SRR: variants seen among roughly 807,000 people sequenced by gnomAD.
SRR encodes D-serine ammonia-lyase.
Under a neutral mutation model 32.7 loss-of-function variants are expected in SRR, and 19 were observed. That is an observed-to-expected ratio of 0.58 (90% CI 0.40 to 0.85). SRR has a LOEUF of 0.85. Among genes scored for constraint, SRR ranks in the 40% least tolerant of loss-of-function variants. The pLI, the probability that SRR is intolerant of heterozygous loss-of-function variation, is 0.00. For synonymous variants in SRR, 142 were observed against 140.9 expected (o/e 1.01, Z -0.06); for missense variants, 373 against 404.7 (o/e 0.92, Z 0.67).
At chr17:2,310,453 C>A (rs1418705679) in intron 1 of SRR, among the ~76,000 whole-genome samples, 1 of 152,082 alleles carries the variant, frequency 6.6e-6, no homozygotes, top group Non-Finnish European at 1.5e-5. Flanking sequence ...TGAGCTCAAG[C>A]AGTCCGCCCA....
chr17:2,315,309 G>A, intron 1 of SRR: 1 of 305,018 alleles, frequency 3.3e-6, no homozygotes, highest in Non-Finnish European at 6.0e-6. Context: ...GATGGGTGGT[G>A]TGGGTGGGGA....
chr17:2,311,286 A>C (rs1486603318), intron 1 of SRR, among the ~76,000 whole-genome samples: 1 of 152,064 alleles, frequency 6.6e-6, no homozygotes, highest in East Asian at 1.9e-4. Flanking sequence ...TCCTGGGTTT[A>C]AGCAATCCTC....
At chr17:2,318,464 C>CTTTT (rs1170914950) in intron 3 of SRR, among the ~76,000 whole-genome samples, 1 of 126,570 alleles carries the variant, frequency 7.9e-6, no homozygotes, top group Admixed American at 8.1e-5. Flanking sequence ...ATGTTTCTTT[C>CTTTT]TTTTTTTTTT....
rs1464586299 is a variant in SRR at position 2,321,409 on chromosome 17, TG to T, written c.505del (p.Glu169LysfsTer3). On this transcript the variant is annotated frameshift_variant, in exon 5 of 8. Coordinates refer to ENST00000344595, the MANE Select transcript of SRR (RefSeq NM_021947.3). LOFTEE classifies it high-confidence loss of function. ...AVIAGQGTIA[L>X]EVLNQVPLVD... ...ATAGCTGGACAAGGGACAATTGCCCTGGAAGTGCTGAACCAGGTAAAATAGC... is the reference window on the plus strand; with the variant it reads ...ATAGCTGGACAAGGGACAATTGCCCTGAAGTGCTGAACCAGGTAAAATAGC... The T allele has an allele frequency of 6.8e-6, 11 of 1,612,308 alleles. No individual in the cohort carries two copies. In the Admixed American group the frequency reaches 1.7e-4, roughly 25 times the overall value.
Position 2,324,951 on chromosome 17 carries a change from G to T in SRR, c.*1078G>T. The T allele has an allele frequency of 8.8e-7, 1 of 1,134,658 alleles. No individual in the cohort carries two copies. 70.3% of individuals were successfully genotyped at this position (1,134,658 alleles called of 1,614,324 possible). A position where few individuals can be genotyped will look rare whatever the true frequency, so the allele number is the denominator to read the frequency against. On this transcript the variant is annotated 3_prime_UTR_variant, in exon 8 of 8. Coordinates refer to ENST00000344595, the MANE Select transcript of SRR (RefSeq NM_021947.3). ...TGTCATCCCTGCCCTAGCCCAATCT[G>T]AGGCTAAGATTGGTAAACTGTAAGC...
chr17:2,310,483 A>G (rs1179715180), intron 1 of SRR, among the ~76,000 whole-genome samples: 1 of 152,110 alleles, frequency 6.6e-6, no homozygotes, highest in African/African-American at 2.4e-5. Context: ...CTGGGATTAC[A>G]GGTATGAGCC....
chr17:2,324,311 A>G lies in SRR; in HGVS notation c.*438A>G, dbSNP rs760282430. 12 of 1,568,650 alleles carry G rather than the reference A, an allele frequency of 7.6e-6. No homozygotes were observed. Among genetic ancestry groups the G allele is most frequent in the South Asian group, 3.7e-5 (3 of 82,096 alleles). ...GGGGAAGACTCGTTTATACAGGTTC[A>G]TCAGTACTGTGTCTTGAGATTTTAG... On this transcript the variant is annotated 3_prime_UTR_variant, in exon 8 of 8. Coordinates refer to ENST00000344595, the MANE Select transcript of SRR (RefSeq NM_021947.3).
intron 1 of SRR, among the ~76,000 whole-genome samples, chr17:2,314,815 G>A (rs192449075): frequency 6.8e-4 from 102 of 151,010 alleles, no homozygotes; most frequent in Middle Eastern, 3.5e-3. Flanking sequence ...TTATTTAAAT[G>A]GAATAGTCTA....
rs1315152843 is a variant in SRR, at chr17:2,323,661, AC to A, written c.814del (p.Gln272SerfsTer7). On this transcript the variant is annotated frameshift_variant, in exon 8 of 8. Transcript: ENST00000344595. LOFTEE classifies it high-confidence loss of function. ...CTCCCTTCCATATCAACAGTGTGCA[AC>A]CCAGCTGGTGTGGGAGAGGATGAAA... is the stretch of plus-strand genomic sequence containing the variant. Reference protein sequence around the residue: ...TVTEDEIKCATQLVWERMKLL... With the variant: ...TVTEDEIKCAXQLVWERMKLL... The A allele has an allele frequency of 6.2e-7, 1 of 1,614,082 alleles. No homozygotes were observed. The highest frequency in any genetic ancestry group is 1.3e-5 in the African/African-American group (1 of 75,072).
intron 1 of SRR, among the ~76,000 whole-genome samples, chr17:2,305,774 A>C (rs2075385382): frequency 2.6e-5 from 4 of 152,028 alleles, no homozygotes; most frequent in Non-Finnish European, 4.4e-5. Flanking sequence ...ATCTTGGCTC[A>C]CTGCAACCTG....
chr17:2,325,161 T>A lies in SRR; in HGVS notation c.*1288T>A, dbSNP rs757025191. On this transcript the variant is annotated 3_prime_UTR_variant, in exon 8 of 8. Coordinates refer to ENST00000344595, the MANE Select transcript of SRR (RefSeq NM_021947.3). ...GGAGTTTTCATTGTTCTATTAACAA[T>A]GTTAAATGAAGACTTACTGTATTTT... is the stretch of plus-strand genomic sequence containing the variant. The A allele has an allele frequency of 5.9e-6, 4 of 677,330 alleles. No homozygotes were observed. 42.0% of individuals were successfully genotyped at this position (677,330 alleles called of 1,614,324 possible).
At chr17:2,309,634 A>C (rs556761430) in intron 1 of SRR, 1 of 152,790 alleles carries the variant, frequency 6.5e-6, no homozygotes, top group East Asian at 1.9e-4. Flanking sequence ...CTTTGAATAT[A>C]CATGTATCTT....
At chr17:2,310,624 G>A (rs1277081766) in intron 1 of SRR, among the ~76,000 whole-genome samples, 1 of 152,062 alleles carries the variant, frequency 6.6e-6, no homozygotes, top group African/African-American at 2.4e-5. Flanking sequence ...TGTCGCCCAG[G>A]CTGGAGTGCA....
At chr17:2,315,841 C>A (rs2075468862) in intron 2 of SRR, 113 bp downstream of exon 2, 2 of 1,060,626 alleles carry the variant, frequency 1.9e-6, no homozygotes, top group Non-Finnish European at 1.3e-6. Flanking sequence ...TGCCTTTATA[C>A]AGCTGGAAAA....
At chr17:2,321,664 T>TA (rs771480099) in intron 6 of SRR, 48 bp downstream of exon 6, 31 of 1,554,278 alleles carry the variant, frequency 2.0e-5, no homozygotes, top group South Asian at 1.0e-4. Flanking sequence ...GGATTTACTT[T>TA]ACATCCTAAA....
At chr17:2,318,302 G>A (rs777855703) in intron 3 of SRR, among the ~76,000 whole-genome samples, 9 of 151,564 alleles carry the variant, frequency 5.9e-5, no homozygotes, top group South Asian at 4.2e-4. Flanking sequence ...GCACCACCAC[G>A]CCTGGCTAAT....
chr17:2,307,928 T>G (rs2075404140), intron 1 of SRR, among the ~76,000 whole-genome samples: 1 of 151,956 alleles, frequency 6.6e-6, no homozygotes, highest in Non-Finnish European at 1.5e-5. Context: ...TTTTAGTTTC[T>G]GTTCTGTGGA....
At chr17:2,304,677 C>T (rs2151426585) in intron 1 of SRR, among the ~76,000 whole-genome samples, 2 of 151,908 alleles carry the variant, frequency 1.3e-5, no homozygotes, top group South Asian at 4.2e-4. Flanking sequence ...ATCGCTTGAA[C>T]CCGGGAGGCG....
At chr17:2,317,243 G>A (rs1197079259) in intron 2 of SRR, among the ~76,000 whole-genome samples, 10 of 149,930 alleles carry the variant, frequency 6.7e-5, no homozygotes, top group Non-Finnish European at 1.3e-4. Flanking sequence ...CGGGTGCGGT[G>A]GCTCACGCCT....
Sources: gnomAD v4.1 joint callset for allele counts (sites outside exome capture counted in the v4.1 genomes callset) on GRCh38, gnomAD v4.1.1 for gene constraint, MANE v1.5 for transcripts, NCBI Gene and HGNC (gene_info 2026-07-23, HGNC 2026-07-21) for gene names.